MZT1: variants seen among roughly 807,000 people sequenced by gnomAD.
The protein encoded by MZT1 is mitotic-spindle organizing protein 1.
MZT1 carries 8 observed loss-of-function variants against 8.5 expected under a neutral mutation model. The observed-to-expected ratio is 0.94, with a 90% CI of 0.55 to 1.70. The LOEUF is 1.70. Ranked by LOEUF, MZT1 falls within the 40% of genes most tolerant of loss-of-function variation. The pLI, the probability that MZT1 is intolerant of heterozygous loss-of-function variation, is 0.00. For missense variants in MZT1, 93 were observed against 108.6 expected (o/e 0.86, Z 0.64); for synonymous variants, 38 against 42.0 (o/e 0.90, Z 0.37).
Position 72,723,404 on chromosome 13 carries a change from G to A in MZT1, c.79+4120C>T, listed in dbSNP as rs765962052. ...TCCAAAATCTGAAATGTGAAATGCC[G>A]CAAAATCCAAAACTTATTAAGTACT... On this transcript the variant is annotated intron_variant, in intron 1 of 2. Transcript: ENST00000377818. 1.4e-4 allele frequency among the ~76,000 whole-genome samples: 22 copies of A among 152,208 alleles called. No homozygotes were observed. In the South Asian group the frequency reaches 1.9e-3, roughly 13 times the overall value.
rs377262859 is a variant in MZT1 at position 72,722,260 on chromosome 13, A to G, written c.80-3163T>C. On this transcript the variant is annotated intron_variant, in intron 1 of 2. Coordinates refer to ENST00000377818, the MANE Select transcript of MZT1 (RefSeq NM_001071775.3). ...TACTCTCTCTGTGCCTTATTTCACC[A>G]TTCTCGAAAGTGAGGATAATAAGAG... 1.1e-3 allele frequency among the ~76,000 whole-genome samples: 171 copies of G among 152,302 alleles called. 1 individual carries two copies. Among genetic ancestry groups the G allele is most frequent in the African/African-American group, 3.9e-3 (164 of 41,554 alleles).
At chr13:72,717,177 T>C (rs749785519) in intron 2 of MZT1, among the ~76,000 whole-genome samples, 3 of 152,210 alleles carry the variant, frequency 2.0e-5, no homozygotes, top group Non-Finnish European at 4.4e-5. Context: ...CCTTACTCGA[T>C]TGCTCATTTG....
chr13:72,718,106 C>T (rs7337938), intron 2 of MZT1, among the ~76,000 whole-genome samples: 134,462 of 152,200 alleles, frequency 0.88, 61,394 homozygotes, highest in Non-Finnish European at 0.99. Flanking sequence ...TCCATACCTA[C>T]TATACATATT....
At position 72,719,022 on chromosome 13, in the gene MZT1, T is replaced by A. The variant is rs2032567523; in HGVS notation, c.155A>T (p.Glu52Val). ...TAAAGCTTCTGGGTTAATTCCTTGTTCACAAAGCCGTACACAAATAGACAG... is the reference window on the plus strand; with the variant it reads ...TAAAGCTTCTGGGTTAATTCCTTGTACACAAAGCCGTACACAAATAGACAG... ...ETLSICVRLCEQGINPEALSS... is the reference protein window; with the variant it reads ...ETLSICVRLCVQGINPEALSS... The change falls in exon 2 of 3, where the codon GAA (glutamate) becomes GTA (valine). Residue 52 changes from glutamate to valine, a missense_variant. Transcript: ENST00000377818. 1.9e-6 allele frequency: 3 copies of A among 1,596,936 alleles called. No individual in the cohort carries two copies. Among genetic ancestry groups the A allele is most frequent in the Non-Finnish European group, 2.6e-6 (3 of 1,173,944 alleles).
rs188127217 is a variant in MZT1, at chr13:72,721,925, G to A, written c.80-2828C>T. On this transcript the variant is annotated intron_variant, in intron 1 of 2. Coordinates refer to ENST00000377818, the MANE Select transcript of MZT1 (RefSeq NM_001071775.3). ...ATACTTTGCTCTTCAGCTGTATCCA[G>A]CCTGTTATTCATATTATCTGCTGAA... is the stretch of plus-strand genomic sequence containing the variant. Among the ~76,000 whole-genome samples, 106 of 152,240 alleles carry A rather than the reference G, an allele frequency of 7.0e-4. 1 individual carries two copies. The highest frequency in any genetic ancestry group is 2.5e-3 in the African/African-American group (102 of 41,552).
intron 2 of MZT1, among the ~76,000 whole-genome samples, chr13:72,716,291 A>G (rs953448662): frequency 6.6e-6 from 1 of 152,098 alleles, no homozygotes; most frequent in Non-Finnish European, 1.5e-5. Context: ...GTTACTGGAG[A>G]GGAGAGCAAG....
intron 2 of MZT1, 63 bp downstream of exon 2, chr13:72,718,889 T>A: frequency 6.9e-7 from 1 of 1,446,728 alleles, no homozygotes; most frequent in Non-Finnish European, 9.2e-7. Context: ...CATAACTTCA[T>A]CATTAATCAT....
At chr13:72,726,523 G>C (rs562979737) in intron 1 of MZT1, among the ~76,000 whole-genome samples, 1 of 152,058 alleles carries the variant, frequency 6.6e-6, no homozygotes, top group South Asian at 2.1e-4. Context: ...GGAAGCTGAC[G>C]TGAGTAGACC....
At chr13:72,710,482 C>A in intron 2 of MZT1, 137 bp from the exon 3 acceptor site, 1 of 747,762 alleles carries the variant, frequency 1.3e-6, no homozygotes, top group Non-Finnish European at 2.3e-6. Context: ...CACAGTAATG[C>A]AGTGCTTTTC....
intron 2 of MZT1, among the ~76,000 whole-genome samples, chr13:72,717,117 C>T (rs2032543064): frequency 6.6e-6 from 1 of 152,198 alleles, no homozygotes; most frequent in Non-Finnish European, 1.5e-5. Context: ...TTCAGACAGG[C>T]TGAGAATTTT....
chr13:72,710,415 C>T (rs1218841889), intron 2 of MZT1, 70 bp from the exon 3 acceptor site: 2 of 1,366,746 alleles, frequency 1.5e-6, no homozygotes, highest in South Asian at 1.2e-5. Flanking sequence ...ATAAATTTGT[C>T]AATACTGCAC....
chr13:72,718,463 T>C (rs991071734), intron 2 of MZT1, among the ~76,000 whole-genome samples: 5 of 151,946 alleles, frequency 3.3e-5, no homozygotes, highest in South Asian at 4.2e-4. Flanking sequence ...ACATGGTCCA[T>C]GGTAGTAGTA....
intron 1 of MZT1, 23 bp from the exon 2 acceptor site, chr13:72,719,120 A>G (rs777796318): frequency 2.6e-6 from 4 of 1,523,278 alleles, no homozygotes; most frequent in Admixed American, 2.4e-5. Context: ...ACAAAAAAAA[A>G]AAAAACTTAA....
chr13:72,718,001 A>C (rs2032552562), intron 2 of MZT1, among the ~76,000 whole-genome samples: 1 of 152,200 alleles, frequency 6.6e-6, no homozygotes, highest in African/African-American at 2.4e-5. Context: ...CAGTACCAAA[A>C]TCTGTATCAG....
chr13:72,712,248 T>A (rs1451411749), intron 2 of MZT1, among the ~76,000 whole-genome samples: 1 of 152,202 alleles, frequency 6.6e-6, no homozygotes, highest in African/African-American at 2.4e-5. Context: ...TACTGCAGCC[T>A]CAAATGCCTG....
chr13:72,719,127 T>G (rs745585088), intron 1 of MZT1, 30 bp from the exon 2 acceptor site: 1 of 1,376,826 alleles, frequency 7.3e-7, no homozygotes, highest in Non-Finnish European at 9.8e-7. Flanking sequence ...AAAAAAAAAC[T>G]TAAGGCTTAC....
At position 72,710,270 on chromosome 13, in the gene MZT1, T is replaced by G; in HGVS notation, c.*52A>C. On this transcript the variant is annotated 3_prime_UTR_variant, in exon 3 of 3. Transcript: ENST00000377818. ...GTACATTCTCAACTACAATGCAATC[T>G]TCAAACCCTCTTGCAGAGCTTGACA... 2 of 1,597,890 alleles carry G rather than the reference T, an allele frequency of 1.3e-6. No homozygotes were observed. Among genetic ancestry groups the G allele is most frequent in the Non-Finnish European group, 1.7e-6 (2 of 1,166,464 alleles).
rs969161419 is a variant in MZT1 at position 72,710,176 on chromosome 13, A to G, written c.*146T>C. 2 of 707,716 alleles carry G rather than the reference A, an allele frequency of 2.8e-6. No homozygotes were observed. Among genetic ancestry groups the G allele is most frequent in the Non-Finnish European group, 4.7e-6 (2 of 421,498 alleles). 43.8% of individuals were successfully genotyped at this position (707,716 alleles called of 1,614,324 possible). ...TGTAAGCCACTTTCCACTGATTTAT[A>G]AAGCTATGGTTTTATAATTCTTTTA... On this transcript the variant is annotated 3_prime_UTR_variant, in exon 3 of 3. Coordinates refer to ENST00000377818, the MANE Select transcript of MZT1 (RefSeq NM_001071775.3).
intron 2 of MZT1, among the ~76,000 whole-genome samples, chr13:72,718,636 C>A (rs2032561589): frequency 6.6e-6 from 1 of 152,064 alleles, no homozygotes; most frequent in Admixed American, 6.6e-5. Context: ...CACCACCACG[C>A]CTGGCTAATT....
Sources: allele counts gnomAD v4.1 joint callset (sites outside exome capture counted in the v4.1 genomes callset), GRCh38; gene constraint gnomAD v4.1.1; transcripts MANE v1.5; gene names NCBI Gene and HGNC (gene_info 2026-07-23, HGNC 2026-07-21).